GINS2: variants seen among roughly 807,000 people sequenced by gnomAD.
GINS2 encodes the protein DNA replication complex GINS protein PSF2.
In GINS2, 23 loss-of-function variants were observed where a neutral mutation model predicts 21.2. The observed-to-expected ratio is 1.08, with a 90% CI of 0.78 to 1.53. GINS2 has a LOEUF of 1.53. Ranked by LOEUF, GINS2 falls within the 40% of genes most tolerant of loss-of-function variation. The pLI is 0.00. For missense variants in GINS2, 323 were observed against 233.9 expected, an observed-to-expected ratio of 1.38 and a Z score of -2.49; for synonymous variants, 118 against 85.6, an observed-to-expected ratio of 1.38 and a Z score of -2.09.
intron 3 of GINS2, 61 bp from the exon 4 acceptor site, chr16:85,678,727 T>C (rs1325275523): frequency 2.6e-6 from 4 of 1,539,362 alleles, no homozygotes; most frequent in Non-Finnish European, 2.7e-6. Context: ...CAATGCTGGA[T>C]AGAGTGGCTC....
intron 3 of GINS2, among the ~76,000 whole-genome samples, chr16:85,681,065 C>T (rs1053064344): frequency 2.0e-5 from 3 of 152,234 alleles, no homozygotes; most frequent in African/African-American, 4.8e-5. Flanking sequence ...GGAGTTACTA[C>T]AGCATGATTT....
chr16:85,677,301 G>C lies in GINS2; in HGVS notation c.*911C>G, dbSNP rs561329826. The C allele has an allele frequency of 3.9e-5, 6 of 152,102 alleles. No homozygotes were observed. Among genetic ancestry groups the C allele is most frequent in the Non-Finnish European group, 7.4e-5 (5 of 68,018 alleles). The allele number at this position is 152,102 out of a possible 1,614,324, so 9.4% of individuals were successfully genotyped here. A position where few individuals can be genotyped will look rare whatever the true frequency, so the allele number is the denominator to read the frequency against. On this transcript the variant is annotated 3_prime_UTR_variant, in exon 5 of 5. Coordinates refer to ENST00000253462, the MANE Select transcript of GINS2 (RefSeq NM_016095.3). ...GGTCCTAACATTTCCAAAATGCTAC[G>C]AATAAAGTAATTTTCTCTTAGGAAA... is the stretch of plus-strand genomic sequence containing the variant.
chr16:85,688,759 C>G (rs1418776520), intron 1 of GINS2, 50 bp downstream of exon 1: 1 of 1,213,256 alleles, frequency 8.2e-7, no homozygotes, highest in East Asian at 3.0e-5. Context: ...GCGGGAGCCC[C>G]GGACGCGCCC....
At chr16:85,678,508 G>A in intron 4 of GINS2, 32 bp downstream of exon 4, 1 of 1,606,682 alleles carries the variant, frequency 6.2e-7, no homozygotes, top group Non-Finnish European at 8.5e-7. Flanking sequence ...GCGGCATCAA[G>A]GCCACCAGCA....
In GINS2 at chr16:85,678,174, T is replaced by C; in HGVS notation, c.*38A>G. ...GAGTACCTCATCACGTCCTGAGCGC[T>C]CACATCCCCCAGCAAGCCGCCTGCA... On this transcript the variant is annotated 3_prime_UTR_variant, in exon 5 of 5. Transcript: ENST00000253462. 6.2e-7 allele frequency: 1 copy of C among 1,604,266 alleles called. No individual in the cohort carries two copies. Among genetic ancestry groups the C allele is most frequent in the Non-Finnish European group, 8.5e-7 (1 of 1,174,046 alleles).
chr16:85,687,395 G>T, intron 2 of GINS2, 65 bp downstream of exon 2: 1 of 895,736 alleles, frequency 1.1e-6, no homozygotes, highest in Non-Finnish European at 1.7e-6. Flanking sequence ...TCCACCCCGT[G>T]GGAGAGGGCG....
chr16:85,679,434 G>C lies in GINS2; in HGVS notation c.306-768C>G, dbSNP rs544312938. On this transcript the variant is annotated intron_variant, in intron 3 of 4. Coordinates refer to ENST00000253462, the MANE Select transcript of GINS2 (RefSeq NM_016095.3). ...CAGAAGCAAATATTGTTCGTCACTA[G>C]GCATTACAGGTTACGCTAGACATTC... is the stretch of plus-strand genomic sequence containing the variant. Among the ~76,000 whole-genome samples the C allele has an allele frequency of 1.4e-3, 216 of 152,316 alleles. 1 individual carries two copies. The highest frequency in any genetic ancestry group is 5.1e-3 in the African/African-American group (211 of 41,566).
At chr16:85,685,685 A>AAAAAAAAAACAAAAAAAAAAAAAC (rs56405044) in intron 2 of GINS2, among the ~76,000 whole-genome samples, 4 of 120,898 alleles carry the variant, frequency 3.3e-5, no homozygotes, top group Non-Finnish European at 5.8e-5. Flanking sequence ...AAAAAAAAAA[A>AAAAAAAAAACAAAAAAAAAAAAAC]AAAAAACCGT....
At chr16:85,682,189 A>AT (rs2053739907) in intron 2 of GINS2, among the ~76,000 whole-genome samples, 1 of 151,576 alleles carries the variant, frequency 6.6e-6, no homozygotes, top group South Asian at 2.1e-4. Flanking sequence ...GCCACCATTT[A>AT]TTTTTTGTAG....
chr16:85,681,760 T>G (rs2053735356), intron 2 of GINS2, 79 bp from the exon 3 acceptor site: 1 of 836,930 alleles, frequency 1.2e-6, no homozygotes, highest in African/African-American at 1.7e-5. Flanking sequence ...ACCAAGTGCC[T>G]ATATTATCTG....
chr16:85,683,623 G>T (rs886311365), intron 2 of GINS2, among the ~76,000 whole-genome samples: 12 of 152,270 alleles, frequency 7.9e-5, no homozygotes, highest in African/African-American at 2.9e-4. Context: ...CAGTCCTTCA[G>T]CCAATCCTGC....
rs141903051 is a variant in GINS2 at position 85,678,624 on chromosome 16, C to T, written c.348G>A (p.Leu116=). Residue 116 remains leucine, a synonymous_variant, in exon 4 of 5, where the codon CTG becomes CTA. Coordinates refer to ENST00000253462, the MANE Select transcript of GINS2 (RefSeq NM_016095.3). ...NIPKADEIRT[L]VKDMWDTRIA... Reference sequence around the variant, plus strand: ...TACGAGTGTCCCACATATCCTTGACCAGGGTCCGGATTTCGTCTGCCTTCG... The same window carrying T: ...TACGAGTGTCCCACATATCCTTGACTAGGGTCCGGATTTCGTCTGCCTTCG... 1.2e-6 allele frequency: 2 copies of T among 1,613,936 alleles called. No individual in the cohort carries two copies. Among genetic ancestry groups the T allele is most frequent in the Non-Finnish European group, 1.7e-6 (2 of 1,179,988 alleles).
At chr16:85,678,369 G>A (rs763216727) in intron 4 of GINS2, 32 bp from the exon 5 acceptor site, 72 of 1,611,334 alleles carry the variant, frequency 4.5e-5, no homozygotes, top group African/African-American at 8.0e-5. Flanking sequence ...AGTTGGCCAA[G>A]GAGTTTTTGA....
chr16:85,687,373 A>T, intron 2 of GINS2, 87 bp downstream of exon 2: 1 of 668,372 alleles, frequency 1.5e-6, no homozygotes, highest in Admixed American at 2.8e-5. Flanking sequence ...GTCAGGAAGG[A>T]GGCCCCATGC....
Position 85,678,669 on chromosome 16 carries a change from A to G in GINS2, c.306-3T>C. 1 of 1,613,330 alleles carries G rather than the reference A, an allele frequency of 6.2e-7. No individual in the cohort carries two copies. Among genetic ancestry groups the G allele is most frequent in the Middle Eastern group, 1.6e-4 (1 of 6,062 alleles). Reference sequence around the variant, plus strand: ...CCTTCGGGATGTTGTCTGAAGCACTAAAGGAGCAAGGGCTAAAGTCAGTCG... The same window carrying G: ...CCTTCGGGATGTTGTCTGAAGCACTGAAGGAGCAAGGGCTAAAGTCAGTCG... On this transcript the variant is annotated splice_region_variant and splice_polypyrimidine_tract_variant and intron_variant, in intron 3 of 4. Coordinates refer to ENST00000253462, the MANE Select transcript of GINS2 (RefSeq NM_016095.3).
Position 85,677,355 on chromosome 16 carries a change from C to A in GINS2, c.*857G>T, listed in dbSNP as rs952385123. 6.6e-6 allele frequency: 1 copy of A among 152,194 alleles called. No homozygotes were observed. The highest frequency in any genetic ancestry group is 1.5e-5 in the Non-Finnish European group (1 of 68,038). The allele number at this position is 152,194 out of a possible 1,614,324, so 9.4% of individuals were successfully genotyped here. ...ATAATTTCCCCTGAGCCCACTGTTACCTACAACAAAGAATCCTTCCCCAAA... is the reference window on the plus strand; with the variant it reads ...ATAATTTCCCCTGAGCCCACTGTTAACTACAACAAAGAATCCTTCCCCAAA... On this transcript the variant is annotated 3_prime_UTR_variant, in exon 5 of 5. Coordinates refer to ENST00000253462, the MANE Select transcript of GINS2 (RefSeq NM_016095.3).
intron 3 of GINS2, among the ~76,000 whole-genome samples, chr16:85,679,648 G>A (rs1001742174): frequency 1.3e-5 from 2 of 152,184 alleles, no homozygotes; most frequent in Non-Finnish European, 2.9e-5. Context: ...TCCCTTAACC[G>A]AATGAATTAT....
chr16:85,682,266 C>T (rs763425827), intron 2 of GINS2, among the ~76,000 whole-genome samples: 3 of 152,082 alleles, frequency 2.0e-5, no homozygotes, highest in Non-Finnish European at 4.4e-5. Flanking sequence ...CGCCCTGCCT[C>T]AGCTTCTCGA....
chr16:85,687,539 C>T lies in GINS2; in HGVS notation c.126G>A (p.Val42=). ...DLGPFNPGLP[V]EVPLWLAINL... Reference sequence around the variant, plus strand: ...TAATCGCCAGCCACAGGGGCACTTCCACGGGTAAACCAGGGTTAAAAGGCC... The same window carrying T: ...TAATCGCCAGCCACAGGGGCACTTCTACGGGTAAACCAGGGTTAAAAGGCC... The change falls in exon 2 of 5, where the codon GTG becomes GTA. Residue 42 remains valine, a synonymous_variant. Transcript: ENST00000253462. 5.0e-6 allele frequency: 8 copies of T among 1,595,332 alleles called. No homozygotes were observed. In the Middle Eastern group the frequency reaches 1.3e-3, roughly 266 times the overall value.
Sources: allele counts gnomAD v4.1 joint callset (sites outside exome capture counted in the v4.1 genomes callset), GRCh38; gene constraint gnomAD v4.1.1; transcripts MANE v1.5; gene names NCBI Gene and HGNC (gene_info 2026-07-23, HGNC 2026-07-21).